The following BCL2L13 variants were observed in gnomAD, a reference collection of about 807,000 sequenced individuals.
BCL2L13 encodes BCL2 like 13.
Under a neutral mutation model 25.8 loss-of-function variants are expected in BCL2L13, and 13 were observed. The observed-to-expected ratio is 0.50, with a 90% CI of 0.33 to 0.80. The LOEUF is 0.80. Ranked by LOEUF, BCL2L13 falls within the 30% of genes least tolerant of loss-of-function variation. The pLI, the probability that BCL2L13 is intolerant of heterozygous loss-of-function variation, is 0.02. For missense variants in BCL2L13, 504 were observed against 574.9 expected (o/e 0.88, Z 1.26); for synonymous variants, 244 against 230.3 (o/e 1.06, Z -0.54).
intron 6 of BCL2L13, among the ~76,000 whole-genome samples, chr22:17,705,447 G>A (rs952016861): frequency 6.6e-6 from 1 of 150,984 alleles, no homozygotes; most frequent in Non-Finnish European, 1.5e-5. Flanking sequence ...ACAGATGGCT[G>A]CCACCACACC....
chr22:17,684,738 T>G, intron 3 of BCL2L13: 1 of 345,986 alleles, frequency 2.9e-6, no homozygotes, highest in Non-Finnish European at 5.7e-6. Flanking sequence ...TAATTTTTTG[T>G]ATTTTTTTTT....
At chr22:17,656,186 G>A (rs1376659061) in intron 2 of BCL2L13, among the ~76,000 whole-genome samples, 1 of 149,850 alleles carries the variant, frequency 6.7e-6, no homozygotes, top group Admixed American at 6.7e-5. Flanking sequence ...GTTGCAGTGA[G>A]CTGAGATCGC....
intron 5 of BCL2L13, among the ~76,000 whole-genome samples, chr22:17,697,137 TAAA>T (rs35494765): frequency 1.4e-5 from 2 of 145,704 alleles, no homozygotes; most frequent in Non-Finnish European, 3.0e-5. Context: ...AGGTTCTCTT[TAAA>T]AAAAAAAAAA....
intron 6 of BCL2L13, among the ~76,000 whole-genome samples, chr22:17,713,231 CTCT>C (rs903133161): frequency 6.6e-6 from 1 of 152,136 alleles, no homozygotes; most frequent in Admixed American, 6.6e-5. Context: ...TTACATTTCT[CTCT>C]TCAACATAAG....
At position 17,728,412 on chromosome 22, in the gene BCL2L13, G is replaced by A. The variant is rs1482620175; in HGVS notation, c.*878G>A. 1 of 152,232 alleles carries A rather than the reference G, an allele frequency of 6.6e-6. No individual in the cohort carries two copies. The highest frequency in any genetic ancestry group is 1.9e-4 in the East Asian group (1 of 5,188). The allele number at this position is 152,232 out of a possible 1,614,324, so 9.4% of individuals were successfully genotyped here. A position where few individuals can be genotyped will look rare whatever the true frequency, so the allele number is the denominator to read the frequency against. On this transcript the variant is annotated 3_prime_UTR_variant, in exon 7 of 7. Transcript: ENST00000317582. ...TAACTCTGGCTAGAGAGACACATGT[G>A]TCTTGTGTCAAGGCAGGAGGATAAC...
chr22:17,634,127 T>A (rs1262911014), upstream of BCL2L13, among the ~76,000 whole-genome samples: 1 of 152,174 alleles, frequency 6.6e-6, no homozygotes, highest in Non-Finnish European at 1.5e-5. Flanking sequence ...CTCTCTCACC[T>A]TCTTCTCTAT....
intron 2 of BCL2L13, among the ~76,000 whole-genome samples, chr22:17,668,789 C>T (rs1420996416): frequency 6.6e-6 from 1 of 152,022 alleles, no homozygotes; most frequent in Non-Finnish European, 1.5e-5. Flanking sequence ...TTAATTTTTA[C>T]ATATGGTTTG....
chr22:17,674,944 G>A (rs980781093), intron 2 of BCL2L13, among the ~76,000 whole-genome samples: 8 of 152,028 alleles, frequency 5.3e-5, no homozygotes, highest in Non-Finnish European at 1.5e-5. Flanking sequence ...TAGGAAAATT[G>A]TACATGTCTA....
In BCL2L13 at chr22:17,683,259, T is replaced by TA; in HGVS notation, c.168dup (p.Leu57IlefsTer4). On this transcript the variant is annotated frameshift_variant, in exon 3 of 7. Transcript: ENST00000317582. LOFTEE classifies it high-confidence loss of function. ...TCACAATCTCTGGATCAAGAAATTT[T>TA]ATTAAAAGTTAAAACTGAAATTGAA... 1 of 1,595,988 alleles carries TA rather than the reference T, an allele frequency of 6.3e-7. No homozygotes were observed. Among genetic ancestry groups the TA allele is most frequent in the Non-Finnish European group, 8.6e-7 (1 of 1,168,934 alleles).
chr22:17,649,837 A>G (rs1306751190), intron 1 of BCL2L13, among the ~76,000 whole-genome samples: 1 of 145,054 alleles, frequency 6.9e-6, no homozygotes, highest in Non-Finnish European at 1.5e-5. Flanking sequence ...GATTGTTATT[A>G]ATTTTATCTA....
chr22:17,714,451 C>CA lies in BCL2L13; in HGVS notation c.600+12076dup, dbSNP rs879263633. Among the ~76,000 whole-genome samples, 682 of 143,322 alleles carry CA rather than the reference C, an allele frequency of 4.8e-3. 6 individuals are homozygous for CA. Among genetic ancestry groups the CA allele is most frequent in the African/African-American group, 0.016 (610 of 39,072 alleles). The allele number at this position is 143,322 out of a possible 152,430, so 94.0% of individuals were successfully genotyped here. A position where few individuals can be genotyped will look rare whatever the true frequency, so the allele number is the denominator to read the frequency against. ...TGGGTGACAGAGTGAGACTCCATCT[C>CA]AAAAAAAAAAATGGTAGTTGTGAAG... is the stretch of plus-strand genomic sequence containing the variant. On this transcript the variant is annotated intron_variant, in intron 6 of 6. Transcript: ENST00000317582.
upstream of BCL2L13, among the ~76,000 whole-genome samples, chr22:17,635,287 C>T (rs372884270): frequency 3.2e-4 from 49 of 151,996 alleles, 2 homozygotes; most frequent in Middle Eastern, 0.021. Context: ...CCTGTAATCC[C>T]AGCACTTTGG....
At chr22:17,669,030 C>CTTTTTTTTTTT (rs537315017) in intron 2 of BCL2L13, among the ~76,000 whole-genome samples, 13 of 111,834 alleles carry the variant, frequency 1.2e-4, no homozygotes, top group African/African-American at 2.1e-4. Flanking sequence ...CTGTTTCTTT[C>CTTTTTTTTTTT]TTTTTTTTTT....
At chr22:17,724,163 C>T (rs1382986166) in intron 6 of BCL2L13, among the ~76,000 whole-genome samples, 2 of 152,052 alleles carry the variant, frequency 1.3e-5, no homozygotes, top group Non-Finnish European at 2.9e-5. Context: ...TTCCCAGCTA[C>T]TCAGGAGGCT....
At chr22:17,638,941 C>T (rs1181601088) in intron 1 of BCL2L13, 55 bp downstream of exon 1, 2 of 1,217,386 alleles carry the variant, frequency 1.6e-6, no homozygotes. Flanking sequence ...TGGTTTTCAC[C>T]TGGGTAGGAA....
At position 17,709,051 on chromosome 22, in the gene BCL2L13, C is replaced by T. The variant is rs983650602; in HGVS notation, c.600+6665C>T. ...GAGATCGAGACCATCCTGACTAACA[C>T]GGTGAAACCCCGTCTCTACTAAAAA... On this transcript the variant is annotated intron_variant, in intron 6 of 6. Transcript: ENST00000317582. Among the ~76,000 whole-genome samples, 11 of 151,778 alleles carry T rather than the reference C, an allele frequency of 7.2e-5. No individual in the cohort carries two copies. In the South Asian group the frequency reaches 8.3e-4, roughly 11 times the overall value.
intron 2 of BCL2L13, among the ~76,000 whole-genome samples, chr22:17,680,841 A>C (rs1304719131): frequency 6.6e-6 from 1 of 152,118 alleles, no homozygotes; most frequent in African/African-American, 2.4e-5. Flanking sequence ...TGAGTGGTAG[A>C]GCTCACTCCC....
chr22:17,717,102 T>G (rs2060967214), intron 6 of BCL2L13, among the ~76,000 whole-genome samples: 1 of 152,346 alleles, frequency 6.6e-6, no homozygotes, highest in South Asian at 2.1e-4. Context: ...ACCATGTTTT[T>G]GTTTATGCTT....
chr22:17,666,158 T>C (rs2059224634), intron 2 of BCL2L13, among the ~76,000 whole-genome samples: 1 of 152,152 alleles, frequency 6.6e-6, no homozygotes, highest in Non-Finnish European at 1.5e-5. Flanking sequence ...TCATTGAGTG[T>C]ATCTCATTGT....
Sources: gnomAD v4.1 joint callset for allele counts (sites outside exome capture counted in the v4.1 genomes callset) on GRCh38, gnomAD v4.1.1 for gene constraint, MANE v1.5 for transcripts, NCBI Gene and HGNC (gene_info 2026-07-23, HGNC 2026-07-21) for gene names.